Variants in SDK1 observed in about 807,000 individuals in gnomAD.
SDK1 encodes the protein sidekick cell adhesion molecule 1, also known as protein sidekick-1.
SDK1 carries 157 observed loss-of-function variants against 245.5 expected under a neutral mutation model. The observed-to-expected ratio is 0.64, with a 90% CI of 0.56 to 0.73. The LOEUF is 0.73. Ranked by LOEUF, SDK1 falls within the 30% of genes least tolerant of loss-of-function variation. SDK1 has a pLI of 0.00. For synonymous variants in SDK1, 1,647 were observed against 1,278.5 expected, an observed-to-expected ratio of 1.29 and a Z score of -6.15; for missense variants, 3,583 against 3,002.3, an observed-to-expected ratio of 1.19 and a Z score of -4.52.
intron 4 of SDK1, among the ~76,000 whole-genome samples, chr7:3,749,191 C>T (rs1358016584): frequency 6.6e-6 from 1 of 152,118 alleles, no homozygotes; most frequent in Non-Finnish European, 1.5e-5. Flanking sequence ...GGCTGGAGTG[C>T]AGTGGCATAA....
intron 5 of SDK1, among the ~76,000 whole-genome samples, chr7:3,866,114 T>C (rs572893732): frequency 6.6e-6 from 1 of 152,348 alleles, no homozygotes; most frequent in African/African-American, 2.4e-5. Context: ...TATTTTAGAA[T>C]ACATGCATAA....
At chr7:3,502,014 T>C (rs991296883) in intron 1 of SDK1, among the ~76,000 whole-genome samples, 3 of 152,252 alleles carry the variant, frequency 2.0e-5, no homozygotes, top group African/African-American at 7.2e-5. Context: ...AGGCAAACTT[T>C]TAACAAAAAT....
At chr7:3,714,322 A>G (rs950946805) in intron 4 of SDK1, among the ~76,000 whole-genome samples, 1 of 152,214 alleles carries the variant, frequency 6.6e-6, no homozygotes, top group Non-Finnish European at 1.5e-5. Context: ...AATCATTACT[A>G]TTCTTAGAAT....
chr7:3,878,336 C>T (rs930223803), intron 5 of SDK1, among the ~76,000 whole-genome samples: 91 of 152,116 alleles, frequency 6.0e-4, no homozygotes, highest in African/African-American at 2.0e-3. Flanking sequence ...CTGGCTAACA[C>T]GGTGAAACCC....
chr7:4,232,291 A>G (rs1429614503), intron 40 of SDK1, among the ~76,000 whole-genome samples: 1 of 151,608 alleles, frequency 6.6e-6, no homozygotes, highest in East Asian at 1.9e-4. Context: ...AGGCTTTGCA[A>G]AGAGGCTGTC....
At chr7:3,680,376 G>C (rs1356765707) in intron 4 of SDK1, among the ~76,000 whole-genome samples, 1 of 152,136 alleles carries the variant, frequency 6.6e-6, no homozygotes, top group African/African-American at 2.4e-5. Flanking sequence ...TGTCGTGGTA[G>C]GACAGTCTGT....
intron 22 of SDK1, among the ~76,000 whole-genome samples, chr7:4,104,243 A>G (rs1562814925): frequency 6.6e-6 from 1 of 152,186 alleles, no homozygotes; most frequent in Admixed American, 6.5e-5. Context: ...TATGTTTTAT[A>G]GAGAATGGGG....
At chr7:4,056,040 G>A (rs1233175561) in intron 19 of SDK1, among the ~76,000 whole-genome samples, 1 of 151,950 alleles carries the variant, frequency 6.6e-6, no homozygotes, top group South Asian at 2.1e-4. Context: ...TTGTTTAATG[G>A]CCTAGGATAT....
At chr7:3,698,410 G>A (rs925050923) in intron 4 of SDK1, among the ~76,000 whole-genome samples, 1 of 152,162 alleles carries the variant, frequency 6.6e-6, no homozygotes, top group African/African-American at 2.4e-5. Context: ...GGTGCTGTCA[G>A]GGTGTCCCTT....
intron 5 of SDK1, among the ~76,000 whole-genome samples, chr7:3,862,952 C>T (rs566764326): frequency 4.6e-5 from 7 of 152,218 alleles, no homozygotes; most frequent in South Asian, 4.1e-4. Flanking sequence ...CCAGTGCCAC[C>T]GCTGGCTGAT....
At chr7:4,231,607 G>T (rs975053985) in intron 40 of SDK1, among the ~76,000 whole-genome samples, 24 of 140,200 alleles carry the variant, frequency 1.7e-4, no homozygotes, top group African/African-American at 5.6e-4. Context: ...GAAAGAAAGA[G>T]CAAGAGAGAA....
chr7:4,143,735 G>A (rs1015773339), intron 28 of SDK1, among the ~76,000 whole-genome samples: 3 of 152,188 alleles, frequency 2.0e-5, no homozygotes, highest in African/African-American at 7.2e-5. Context: ...GATCGGCATG[G>A]GTGTTTGCTT....
chr7:3,642,134 A>G (rs752607882), intron 4 of SDK1, 29 bp downstream of exon 4: 1 of 1,608,296 alleles, frequency 6.2e-7, no homozygotes, highest in Non-Finnish European at 8.5e-7. Flanking sequence ...TAAAGCTTCA[A>G]ATACAATTGT....
chr7:3,488,158 G>A (rs1583936130), intron 1 of SDK1, among the ~76,000 whole-genome samples: 1 of 152,126 alleles, frequency 6.6e-6, no homozygotes, highest in Non-Finnish European at 1.5e-5. Flanking sequence ...GTTTTCCGAT[G>A]CCTTTAATTG....
chr7:3,372,299 A>T (rs544864347), intron 1 of SDK1, among the ~76,000 whole-genome samples: 1 of 152,326 alleles, frequency 6.6e-6, no homozygotes, highest in Admixed American at 6.5e-5. Context: ...CTCCCAAGCT[A>T]GTCCAACACA....
At chr7:3,510,460 A>G (rs901310450) in intron 1 of SDK1, among the ~76,000 whole-genome samples, 10 of 152,166 alleles carry the variant, frequency 6.6e-5, no homozygotes, top group Admixed American at 6.5e-4. Context: ...CACTGACGTG[A>G]GGCGGATTAA....
intron 4 of SDK1, among the ~76,000 whole-genome samples, chr7:3,820,374 T>C (rs1779615022): frequency 6.6e-6 from 1 of 152,196 alleles, no homozygotes; most frequent in South Asian, 2.1e-4. Flanking sequence ...GGTCTCGATC[T>C]CTTGACGTCA....
chr7:4,157,255 C>T (rs539453984), intron 30 of SDK1, among the ~76,000 whole-genome samples: 6 of 141,334 alleles, frequency 4.2e-5, no homozygotes, highest in African/African-American at 1.6e-4. Context: ...GACGGACGGA[C>T]GGAAGGAAGG....
chr7:3,687,090 C>CAT (rs1327060595), intron 4 of SDK1, among the ~76,000 whole-genome samples: 1 of 141,134 alleles, frequency 7.1e-6, no homozygotes, highest in South Asian at 2.3e-4. Flanking sequence ...CACACACACA[C>CAT]ACACACACAC....
Sources: gnomAD v4.1 joint callset for allele counts (sites outside exome capture counted in the v4.1 genomes callset) on GRCh38, gnomAD v4.1.1 for gene constraint, MANE v1.5 for transcripts, NCBI Gene and HGNC (gene_info 2026-07-23, HGNC 2026-07-21) for gene names.